MRPL42: variants seen among roughly 807,000 people sequenced by gnomAD.
MRPL42 encodes mitochondrial ribosomal protein L42.
MRPL42 carries 17 observed loss-of-function variants against 17.9 expected under a neutral mutation model. The observed-to-expected ratio is 0.95, with a 90% CI of 0.65 to 1.42. The LOEUF (loss-of-function observed/expected upper bound fraction) is 1.42. MRPL42 is among the 40% of genes most tolerant of loss of function. The pLI, the probability that MRPL42 is intolerant of heterozygous loss-of-function variation, is 0.00. For synonymous variants in MRPL42, 59 were observed against 54.4 expected, an observed-to-expected ratio of 1.08 and a Z score of -0.37; for missense variants, 177 against 175.2, an observed-to-expected ratio of 1.01 and a Z score of -0.06.
chr12:93,481,618 A>G (rs1021748535), intron 4 of MRPL42, among the ~76,000 whole-genome samples: 2 of 152,064 alleles, frequency 1.3e-5, no homozygotes, highest in Admixed American at 6.6e-5. Flanking sequence ...TTCAATATCC[A>G]TGTAGGTGAT....
rs1953678130 is a variant in MRPL42 at position 93,506,997 on chromosome 12, C to T, written c.*5776C>T. ...GATCCAAAGACACTAATTGACTTGCCCAAGATCACAGATTGTGGCAGAACC... is the reference window on the plus strand; with the variant it reads ...GATCCAAAGACACTAATTGACTTGCTCAAGATCACAGATTGTGGCAGAACC... On this transcript the variant is annotated 3_prime_UTR_variant, in exon 6 of 6. Transcript: ENST00000549982. The T allele has an allele frequency of 6.6e-6, 1 of 152,196 alleles. No individual in the cohort carries two copies. Among genetic ancestry groups the T allele is most frequent in the Admixed American group, 6.5e-5 (1 of 15,278 alleles). The allele number at this position is 152,196 out of a possible 1,614,324, so 9.4% of individuals were successfully genotyped here. A position where few individuals can be genotyped will look rare whatever the true frequency, so the allele number is the denominator to read the frequency against.
chr12:93,482,422 T>G (rs1880507441), intron 4 of MRPL42, among the ~76,000 whole-genome samples: 1 of 152,130 alleles, frequency 6.6e-6, no homozygotes, highest in Non-Finnish European at 1.5e-5. Flanking sequence ...GCCTTGTGTG[T>G]TTTTTTCCCC....
rs558301098 is a variant in MRPL42 at position 93,474,246 on chromosome 12, A to T, written c.71-2708A>T. Among the ~76,000 whole-genome samples, 5 of 152,138 alleles carry T rather than the reference A, an allele frequency of 3.3e-5. No individual in the cohort carries two copies. In the South Asian group the frequency reaches 1.0e-3, roughly 32 times the overall value. ...AAAATGTATATCATCTAGTTGGTTT[A>T]TATTCAGAGATACAAAATTGTTTTT... On this transcript the variant is annotated intron_variant, in intron 2 of 5. Transcript: ENST00000549982.
chr12:93,499,734 G>A (rs2364227), intron 5 of MRPL42, among the ~76,000 whole-genome samples: 108,152 of 152,012 alleles, frequency 0.71, 38,779 homozygotes, highest in African/African-American at 0.77. Context: ...GCTGTACTTC[G>A]TTCATTTCAA....
At chr12:93,478,942 A>ATTTATTTT (rs1282970400) in intron 3 of MRPL42, among the ~76,000 whole-genome samples, 10 of 76,562 alleles carry the variant, frequency 1.3e-4, no homozygotes, top group African/African-American at 3.2e-4. Context: ...TTATTTATTT[A>ATTTATTTT]TTTTTTTGAG....
intron 5 of MRPL42, 122 bp from the exon 6 acceptor site, chr12:93,501,054 C>A (rs188675788): frequency 2.9e-6 from 2 of 694,288 alleles, no homozygotes; most frequent in East Asian, 3.3e-5. Context: ...ATGGCTGATA[C>A]GTAGTTTCAT....
chr12:93,479,379 T>C lies in MRPL42; in HGVS notation c.135-9T>C. 6 of 1,594,352 alleles carry C rather than the reference T, an allele frequency of 3.8e-6. No homozygotes were observed. In the South Asian group the frequency reaches 6.7e-5, roughly 18 times the overall value. ...TATAACTTTATTTCTAAAACATTCTTTTTTTTAGCAACGTAGAGCTTGCTC... is the reference window on the plus strand; with the variant it reads ...TATAACTTTATTTCTAAAACATTCTCTTTTTTAGCAACGTAGAGCTTGCTC... On this transcript the variant is annotated splice_polypyrimidine_tract_variant and intron_variant, in intron 3 of 5. Coordinates refer to ENST00000549982, the MANE Select transcript of MRPL42 (RefSeq NM_014050.4).
At chr12:93,485,290 GT>G (rs1880689661) in intron 4 of MRPL42, among the ~76,000 whole-genome samples, 1 of 150,774 alleles carries the variant, frequency 6.6e-6, no homozygotes, top group South Asian at 2.1e-4. Context: ...AGCCTCCTGA[GT>G]AGCCGGGACT....
At chr12:93,500,540 A>T (rs1207587227) in intron 5 of MRPL42, among the ~76,000 whole-genome samples, 1 of 152,216 alleles carries the variant, frequency 6.6e-6, no homozygotes, top group Non-Finnish European at 1.5e-5. Flanking sequence ...ATTTTATATT[A>T]AAACATGATT....
intron 2 of MRPL42, among the ~76,000 whole-genome samples, chr12:93,475,500 A>G (rs1880122832): frequency 6.6e-6 from 1 of 152,164 alleles, no homozygotes; most frequent in South Asian, 2.1e-4. Flanking sequence ...GCATGGAGAT[A>G]GGGAAGGCAG....
intron 4 of MRPL42, among the ~76,000 whole-genome samples, chr12:93,481,529 CCACCA>C (rs1449480286): frequency 6.6e-6 from 1 of 152,164 alleles, no homozygotes; most frequent in Non-Finnish European, 1.5e-5. Context: ...TTCTCCTCCT[CCACCA>C]CTCTGCACTT....
intron 5 of MRPL42, among the ~76,000 whole-genome samples, chr12:93,497,068 A>G (rs1379276462): frequency 1.3e-5 from 2 of 152,190 alleles, no homozygotes; most frequent in Admixed American, 6.5e-5. Context: ...CTGAAACTGA[A>G]TCAGTAATAA....
At chr12:93,480,943 C>CA (rs1413441534) in intron 4 of MRPL42, among the ~76,000 whole-genome samples, 1 of 152,090 alleles carries the variant, frequency 6.6e-6, no homozygotes, top group Non-Finnish European at 1.5e-5. Context: ...TCTTTTTTAT[C>CA]ACTTATTTGG....
chr12:93,469,337 C>T lies in MRPL42; in HGVS notation c.52C>T (p.His18Tyr). The part of the protein sequence containing the change: ...WVMSKRTILK[H>Y]LFPVQNGALY... Reference sequence around the variant, plus strand: ...GATGTCAAAGAGAACTATCTTGAAACATTTATTTCCAGTCCAAAGTAAGTG... The same window carrying T: ...GATGTCAAAGAGAACTATCTTGAAATATTTATTTCCAGTCCAAAGTAAGTG... Residue 18 changes from histidine (H) to tyrosine (Y), a missense_variant, in exon 2 of 6, where the codon CAT (histidine) becomes TAT (tyrosine). By Grantham distance (83) the His-to-Tyr change is moderately conservative. Coordinates refer to ENST00000549982, the MANE Select transcript of MRPL42 (RefSeq NM_014050.4). 6 of 1,608,684 alleles carry T rather than the reference C, an allele frequency of 3.7e-6. No individual in the cohort carries two copies. The highest frequency in any genetic ancestry group is 5.1e-6 in the Non-Finnish European group (6 of 1,178,132).
intron 1 of MRPL42, among the ~76,000 whole-genome samples, 176 bp from the exon 2 acceptor site, chr12:93,469,016 T>C (rs991421079): frequency 6.6e-6 from 1 of 152,216 alleles, no homozygotes; most frequent in Non-Finnish European, 1.5e-5. Flanking sequence ...GTTCTGATCT[T>C]ATATTCTGTC....
intron 5 of MRPL42, among the ~76,000 whole-genome samples, chr12:93,499,490 C>G (rs899929347): frequency 4.9e-4 from 74 of 152,220 alleles, no homozygotes; most frequent in Non-Finnish European, 2.1e-4. Flanking sequence ...AATGACTTCC[C>G]AAACTCCTTC....
At chr12:93,484,718 T>C (rs1411993686) in intron 4 of MRPL42, among the ~76,000 whole-genome samples, 2 of 151,426 alleles carry the variant, frequency 1.3e-5, no homozygotes, top group African/African-American at 4.9e-5. Flanking sequence ...TGCCTCAGCC[T>C]CCCGAGTAGC....
chr12:93,486,626 C>G (rs1456332919), intron 4 of MRPL42, among the ~76,000 whole-genome samples: 1 of 152,138 alleles, frequency 6.6e-6, no homozygotes, highest in Non-Finnish European at 1.5e-5. Context: ...GCGTGAGCCA[C>G]CGCACCCGGC....
intron 4 of MRPL42, among the ~76,000 whole-genome samples, chr12:93,482,982 C>T (rs1880535624): frequency 6.6e-6 from 1 of 152,020 alleles, no homozygotes; most frequent in African/African-American, 2.4e-5. Flanking sequence ...ACCTCCATGC[C>T]TCCCCAGGTT....
Sources: allele counts gnomAD v4.1 joint callset (sites outside exome capture counted in the v4.1 genomes callset), GRCh38; gene constraint gnomAD v4.1.1; transcripts MANE v1.5; gene names NCBI Gene and HGNC (gene_info 2026-07-23, HGNC 2026-07-21).